The following RACK1 variants were observed in gnomAD, a reference collection of about 807,000 sequenced individuals.
The protein encoded by RACK1 is small ribosomal subunit protein RACK1.
RACK1 carries 3 observed loss-of-function variants against 42.2 expected under a neutral mutation model. The observed-to-expected ratio is 0.07, with a 90% confidence interval of 0.03 to 0.18. The LOEUF is 0.18. Ranked by LOEUF, RACK1 falls within the 10% of genes least tolerant of loss-of-function variation. RACK1 has a pLI of 1.00. For missense variants in RACK1, 146 were observed against 403.2 expected (o/e 0.36, Z 5.46); for synonymous variants, 181 against 154.8 (o/e 1.17, Z -1.25).
intron 3 of RACK1, 61 bp from the exon 4 acceptor site, chr5:181,239,643 C>G (rs1263603472): frequency 1.9e-6 from 2 of 1,039,558 alleles, no homozygotes; most frequent in Non-Finnish European, 3.0e-6. Flanking sequence ...GCTAGACCTC[C>G]CAGCCCTACC....
rs1017113956 is a variant in RACK1 at position 181,239,275 on chromosome 5, C to T, written c.526-98G>A. The T allele has an allele frequency of 5.0e-5, 42 of 842,948 alleles. No individual in the cohort carries two copies. The East Asian group carries it at 8.7e-4, about 17-fold the overall frequency. The allele number at this position is 842,948 out of a possible 1,614,324, so 52.2% of individuals were successfully genotyped here. A position where few individuals can be genotyped will look rare whatever the true frequency, so the allele number is the denominator to read the frequency against. On this transcript the variant is annotated intron_variant, in intron 4 of 7. Coordinates refer to ENST00000512805, the MANE Select transcript of RACK1 (RefSeq NM_006098.5). ...GCTTGGCACTTCTGGATACGGTAGC[C>T]ATTTCTCATTCAGTAACATGTCCTG...
chr5:181,238,306 G>A lies in RACK1; in HGVS notation c.637-67C>T, dbSNP rs896780641. 51 of 1,522,246 alleles carry A rather than the reference G, an allele frequency of 3.4e-5. No individual in the cohort carries two copies. In the African/African-American group the frequency reaches 6.3e-4, roughly 19 times the overall value. 94.3% of individuals were successfully genotyped at this position (1,522,246 alleles called of 1,614,324 possible). A position where few individuals can be genotyped will look rare whatever the true frequency, so the allele number is the denominator to read the frequency against. ...CAGATGTTAATTCTGCCCATCTCAA[G>A]ATTCTGTCAGAATCAATTCTTACCT... On this transcript the variant is annotated intron_variant, in intron 5 of 7. Transcript: ENST00000512805.
rs754736780 is a variant in RACK1 at position 181,239,112 on chromosome 5, C to T, written c.591G>A (p.Thr197=). Residue 197 remains threonine, a synonymous_variant, in exon 5 of 8, where the codon ACG becomes ACA. Coordinates refer to ENST00000512805, the MANE Select transcript of RACK1 (RefSeq NM_006098.5). ...NHIGHTGYLN[T]VTVSPDGSLC... is the part of the protein sequence containing the mutation. ...GGGATCCATCTGGAGAGACAGTCAC[C>T]GTGTTCAGATAGCCTGTGTGGCCAA... 9.3e-6 allele frequency: 15 copies of T among 1,613,796 alleles called. No individual in the cohort carries two copies. Among genetic ancestry groups the T allele is most frequent in the Admixed American group, 5.0e-5 (3 of 59,974 alleles).
At chr5:181,238,273 A>G (rs1365813142) in intron 5 of RACK1, 34 bp from the exon 6 acceptor site, 5 of 1,608,292 alleles carry the variant, frequency 3.1e-6, no homozygotes, top group Non-Finnish European at 4.3e-6. Context: ...GGACACTGTG[A>G]CCTCTTCCAG....
At chr5:181,241,379 G>A (rs566618666) in intron 3 of RACK1, 113 bp downstream of exon 3, 8 of 919,268 alleles carry the variant, frequency 8.7e-6, no homozygotes, top group East Asian at 2.5e-5. Flanking sequence ...GCAGTGAGCC[G>A]AGACTGCGCC....
intron 5 of RACK1, 69 bp downstream of exon 5, chr5:181,238,998 G>C (rs749814900): frequency 1.4e-4 from 137 of 975,560 alleles, no homozygotes; most frequent in Non-Finnish European, 2.2e-4. Flanking sequence ...TTACGTTAGA[G>C]ACGCTGGCTA....
rs1059315 is a variant in RACK1 at position 181,243,851 on chromosome 5, G to C, written c.-51C>G. On this transcript the variant is annotated 5_prime_UTR_variant, in exon 1 of 8. Transcript: ENST00000512805. The stretch of plus-strand genomic sequence containing the variant: ...GCAGCGACGAGGATGGCACTGGATG[G>C]CTTAGAGAAACTAGCACCACAACCT... 4.0e-3 allele frequency: 6,174 copies of C among 1,547,176 alleles called. 210 individuals are homozygous for C. The African/African-American group carries it at 0.074, about 18-fold the overall frequency.
intron 1 of RACK1, 181 bp from the exon 2 acceptor site, chr5:181,242,526 T>G (rs1561681371): frequency 2.9e-6 from 2 of 682,510 alleles, no homozygotes; most frequent in African/African-American, 3.5e-5. Context: ...TATTCCAGAC[T>G]AAAAACGCAC....
intron 5 of RACK1, chr5:181,238,767 C>A (rs765688845): frequency 2.6e-6 from 1 of 391,854 alleles, no homozygotes; most frequent in Non-Finnish European, 4.9e-6. Flanking sequence ...CCACTGCACT[C>A]CAGCCTTGGC....
At chr5:181,242,506 T>G in intron 1 of RACK1, 161 bp from the exon 2 acceptor site, 4 of 679,972 alleles carry the variant, frequency 5.9e-6, no homozygotes, top group Non-Finnish European at 1.1e-5. Flanking sequence ...AGACCAGGAC[T>G]GAGTGGCTCT....
At chr5:181,238,650 AAATTACCCAGGAGTGAT>A (rs1759224281) in intron 5 of RACK1, 1 of 353,466 alleles carries the variant, frequency 2.8e-6, no homozygotes, top group Admixed American at 4.1e-5. Context: ...TAACATACAA[AAATTACCCAGGAGTGAT>A]GGCGGGTGCC....
intron 3 of RACK1, 44 bp from the exon 4 acceptor site, chr5:181,239,626 A>G: frequency 2.3e-6 from 3 of 1,313,702 alleles, no homozygotes; most frequent in Non-Finnish European, 3.3e-6. Flanking sequence ...GTCCTATCCC[A>G]TGAAATGCTA....
In RACK1 at chr5:181,237,263, A is replaced by C. The variant is rs1260476773; in HGVS notation, c.889-221T>G. On this transcript the variant is annotated intron_variant, in intron 7 of 7. Coordinates refer to ENST00000512805, the MANE Select transcript of RACK1 (RefSeq NM_006098.5). ...AGGCATGTGCCACAACGCCGGGTAG[A>C]CTGTAAGAAACCGCTCTCATTTCAA... 5 of 830,416 alleles carry C rather than the reference A, an allele frequency of 6.0e-6. No individual in the cohort carries two copies. In the African/African-American group the frequency reaches 8.4e-5, roughly 14 times the overall value. 51.4% of individuals were successfully genotyped at this position (830,416 alleles called of 1,614,324 possible).
intron 7 of RACK1, 128 bp downstream of exon 7, chr5:181,237,481 A>G: frequency 1.5e-6 from 1 of 687,732 alleles, no homozygotes; most frequent in South Asian, 1.6e-5. Flanking sequence ...ATCCTCATCA[A>G]CCTGGCTTGT....
At chr5:181,237,464 C>T (rs930706676) in intron 7 of RACK1, 145 bp downstream of exon 7, 15 of 671,828 alleles carry the variant, frequency 2.2e-5, no homozygotes, top group African/African-American at 5.3e-5. Context: ...GCATGGCAAA[C>T]GAGGGCATCC....
intron 2 of RACK1, chr5:181,241,963 T>G (rs1759363142): frequency 2.6e-6 from 2 of 772,278 alleles, no homozygotes; most frequent in Admixed American, 3.4e-5. Flanking sequence ...CACTCAGAAC[T>G]TTTGCACCTG....
At chr5:181,243,337 C>T in intron 1 of RACK1, 1 of 1,370,426 alleles carries the variant, frequency 7.3e-7, no homozygotes, top group African/African-American at 1.5e-5. Context: ...CTCTGGATTT[C>T]AGCACCGACA....
At chr5:181,238,422 C>A in intron 5 of RACK1, 183 bp from the exon 6 acceptor site, 1 of 590,402 alleles carries the variant, frequency 1.7e-6, no homozygotes, top group Non-Finnish European at 2.9e-6. Context: ...AAGACCTTAC[C>A]AACCCCATCA....
At chr5:181,239,264 G>C in intron 4 of RACK1, 87 bp from the exon 5 acceptor site, 1 of 890,436 alleles carries the variant, frequency 1.1e-6, no homozygotes. Flanking sequence ...GGCACTTCTG[G>C]ATACGGTAGC....
Sources: gnomAD v4.1 joint callset for allele counts on GRCh38, gnomAD v4.1.1 for gene constraint, MANE v1.5 for transcripts, NCBI Gene and HGNC (gene_info 2026-07-23, HGNC 2026-07-21) for gene names.